The following AP1B1 variants were observed in gnomAD, a reference collection of about 807,000 sequenced individuals.
AP1B1 encodes the protein AP-1 complex subunit beta-1.
A neutral mutation model predicts 104.3 loss-of-function variants in AP1B1; 36 were observed. The observed-to-expected ratio is 0.35, with a 90% CI of 0.26 to 0.46. The LOEUF (loss-of-function observed/expected upper bound fraction) is 0.46. AP1B1 is among the 20% of genes least tolerant of loss of function. The pLI is 1.00. For synonymous variants in AP1B1, 504 were observed against 517.5 expected, an observed-to-expected ratio of 0.97 and a Z score of 0.35; for missense variants, 901 against 1,247.9, an observed-to-expected ratio of 0.72 and a Z score of 4.19.
chr22:29,362,940 A>C (rs1271216035), intron 3 of AP1B1, 61 bp downstream of exon 3: 8 of 1,086,530 alleles, frequency 7.4e-6, no homozygotes, highest in Non-Finnish European at 1.1e-5. Context: ...AAGTGGACCC[A>C]AGCTATAAAC....
chr22:29,330,352 T>C, intron 21 of AP1B1, 26 bp downstream of exon 21: 2 of 1,611,836 alleles, frequency 1.2e-6, no homozygotes, highest in Non-Finnish European at 1.7e-6. Context: ...GCTCCAAGGC[T>C]GCAGGGCGGG....
At chr22:29,343,002 G>A (rs139951011) in intron 11 of AP1B1, among the ~76,000 whole-genome samples, 7 of 152,272 alleles carry the variant, frequency 4.6e-5, no homozygotes, top group Non-Finnish European at 8.8e-5. Flanking sequence ...CCGTCACAGC[G>A]CCACCAGTTG....
chr22:29,328,845 G>A lies in AP1B1; in HGVS notation c.2826C>T (p.Ala942=), dbSNP rs2061514399. The change falls in exon 23 of 23, where the codon GCC becomes GCT. Residue 942 remains alanine, a synonymous_variant. Transcript: ENST00000357586. This position sits in a 1 kb window ranked among gnomAD's most constrained non-coding sequence, Gnocchi z 4.1. ...APEVSQHVYQ[A]YETILKN ...CTCAGTTCTTGAGGATGGTCTCGTA[G>A]GCCTGGTACACGTGCTGGGACACCT... 1 of 1,608,974 alleles carries A rather than the reference G, an allele frequency of 6.2e-7. No homozygotes were observed. The highest frequency in any genetic ancestry group is 8.5e-7 in the Non-Finnish European group (1 of 1,179,054).
intron 1 of AP1B1, among the ~76,000 whole-genome samples, chr22:29,380,209 C>T (rs1419241302): frequency 1.3e-5 from 2 of 152,190 alleles, no homozygotes; most frequent in Non-Finnish European, 2.9e-5. Flanking sequence ...ATGCCATGCT[C>T]TCTGCCTGCC....
At chr22:29,345,106 T>G (rs2061771757) in intron 11 of AP1B1, among the ~76,000 whole-genome samples, 1 of 152,246 alleles carries the variant, frequency 6.6e-6, no homozygotes, top group South Asian at 2.1e-4. Context: ...TTGCCCAGGC[T>G]GGAGTGCAGT....
intron 1 of AP1B1, among the ~76,000 whole-genome samples, chr22:29,387,482 A>G (rs1156477586): frequency 6.6e-6 from 1 of 151,816 alleles, no homozygotes; most frequent in Non-Finnish European, 1.5e-5. Flanking sequence ...TAATTTTTGT[A>G]TTTTTATTGG....
intron 2 of AP1B1, among the ~76,000 whole-genome samples, chr22:29,366,505 G>A (rs148081948): frequency 6.6e-6 from 1 of 152,278 alleles, no homozygotes; most frequent in African/African-American, 2.4e-5. Context: ...GCATGGTGGT[G>A]TAATCCCAGC....
At chr22:29,346,801 G>T (rs978539230) in intron 11 of AP1B1, among the ~76,000 whole-genome samples, 4 of 152,102 alleles carry the variant, frequency 2.6e-5, no homozygotes, top group Admixed American at 6.5e-5. Flanking sequence ...CAGTGGGGGG[G>T]GGTGACGGTG....
chr22:29,330,560 C>A (rs975576345), intron 20 of AP1B1, 28 bp from the exon 21 acceptor site: 1 of 1,610,458 alleles, frequency 6.2e-7, no homozygotes, highest in African/African-American at 1.3e-5. Flanking sequence ...CGTGAGAGGC[C>A]CCAGTCAGCG....
intron 11 of AP1B1, among the ~76,000 whole-genome samples, chr22:29,344,380 G>GCTCAACACA (rs1212612091): frequency 6.6e-6 from 1 of 152,026 alleles, no homozygotes; most frequent in African/African-American, 2.4e-5. Context: ...CTCTCAACAC[G>GCTCAACACA]CTCAACACAC....
chr22:29,342,901 C>G (rs766026173), intron 11 of AP1B1, among the ~76,000 whole-genome samples: 1 of 152,220 alleles, frequency 6.6e-6, no homozygotes, highest in Non-Finnish European at 1.5e-5. Context: ...ATACCCAAAG[C>G]TGCCCTCATC....
chr22:29,351,755 C>T lies in AP1B1; in HGVS notation c.1009G>A (p.Glu337Lys), dbSNP rs2061878657. 1 of 1,614,198 alleles carries T rather than the reference C, an allele frequency of 6.2e-7. No homozygotes were observed. Among genetic ancestry groups the T allele is most frequent in the Non-Finnish European group, 8.5e-7 (1 of 1,180,038 alleles). Reference sequence around the variant, plus strand: ...AGGCGGATCATGATGTCCAGCTTCTCCAGCTTCACGTAGATAGGGTCGTTG... The same window carrying T: ...AGGCGGATCATGATGTCCAGCTTCTTCAGCTTCACGTAGATAGGGTCGTTG... ...KYNDPIYVKLEKLDIMIRLAS... is the reference protein window; with the variant it reads ...KYNDPIYVKLKKLDIMIRLAS... The change falls in exon 8 of 23, where the codon GAG becomes AAG. Residue 337 changes from glutamate to lysine, a missense_variant. Coordinates refer to ENST00000357586, the MANE Select transcript of AP1B1 (RefSeq NM_001127.4).
intron 5 of AP1B1, among the ~76,000 whole-genome samples, chr22:29,358,389 T>C (rs1358864336): frequency 6.6e-6 from 1 of 152,192 alleles, no homozygotes; most frequent in Admixed American, 6.5e-5. Context: ...GGCACTAGTA[T>C]TGATGGTGCA....
intron 1 of AP1B1, among the ~76,000 whole-genome samples, chr22:29,377,625 A>G (rs1376401566): frequency 1.3e-5 from 2 of 152,048 alleles, no homozygotes; most frequent in African/African-American, 4.8e-5. Context: ...CCTGGTCAAC[A>G]TAGTGAAACC....
intron 4 of AP1B1, 191 bp downstream of exon 4, chr22:29,359,633 G>A: frequency 1.6e-6 from 1 of 631,368 alleles, no homozygotes. Flanking sequence ...GAGTTACGCA[G>A]GGTCCTTAGC....
chr22:29,361,321 T>C (rs2062043158), intron 3 of AP1B1, among the ~76,000 whole-genome samples: 1 of 152,168 alleles, frequency 6.6e-6, no homozygotes, highest in African/African-American at 2.4e-5. Flanking sequence ...AGTGGGAGCC[T>C]ATCTTGGGAC....
chr22:29,363,175 T>G (rs1413434258), intron 2 of AP1B1, 69 bp from the exon 3 acceptor site: 150 of 775,188 alleles, frequency 1.9e-4, no homozygotes, highest in Non-Finnish European at 8.7e-5. Context: ...AGTATCTAAC[T>G]TCCAAAAGAA....
At chr22:29,340,977 C>G in intron 13 of AP1B1, 120 bp from the exon 14 acceptor site, 1 of 989,636 alleles carries the variant, frequency 1.0e-6, no homozygotes, top group Non-Finnish European at 1.5e-6. Flanking sequence ...CTGTCCCCGA[C>G]AGGGCTGTCC....
At position 29,351,788 on chromosome 22, in the gene AP1B1, C is replaced by T; in HGVS notation, c.976G>A (p.Val326Met). The T allele has an allele frequency of 2.5e-6, 4 of 1,614,208 alleles. No individual in the cohort carries two copies. Among genetic ancestry groups the T allele is most frequent in the Non-Finnish European group, 3.4e-6 (4 of 1,180,024 alleles). The change falls in exon 8 of 23, where the codon GTG becomes ATG. Residue 326 changes from valine (V) to methionine (M), a missense_variant. Around this residue, in one of 3 missense-constraint regions of AP1B1, gnomAD observed 471 missense variants for 696.7 expected, o/e 0.68. Coordinates refer to ENST00000357586, the MANE Select transcript of AP1B1 (RefSeq NM_001127.4). ...ACGTAGATAGGGTCGTTGTACTTCACGAAGAACACCTTCATCTCATGCTTC... is the reference window on the plus strand; with the variant it reads ...ACGTAGATAGGGTCGTTGTACTTCATGAAGAACACCTTCATCTCATGCTTC... ...ILKHEMKVFF[V>M]KYNDPIYVKL...
Sources: allele counts gnomAD v4.1 joint callset (sites outside exome capture counted in the v4.1 genomes callset), GRCh38; gene constraint gnomAD v4.1.1; regional missense constraint gnomAD v4.1.1; non-coding constraint Gnocchi (gnomAD v3.1); transcripts MANE v1.5; gene names NCBI Gene and HGNC (gene_info 2026-07-23, HGNC 2026-07-21).